The following CLSTN2 variants were observed in gnomAD, a reference collection of about 807,000 sequenced individuals.
The protein encoded by CLSTN2 is calsyntenin-2.
In CLSTN2, 48 loss-of-function variants were observed where a neutral mutation model predicts 101.2. That is an observed-to-expected ratio of 0.47 (90% CI 0.38 to 0.60). The LOEUF (loss-of-function observed/expected upper bound fraction) is 0.60, where lower values mean the gene tolerates loss of function less well. CLSTN2 is among the 20% of genes least tolerant of loss of function. The pLI is 0.00. For missense variants in CLSTN2, 1,160 were observed against 1,238.2 expected (o/e 0.94, Z 0.95); for synonymous variants, 481 against 463.6 (o/e 1.04, Z -0.48).
At chr3:140,555,678 G>A (rs961507264) in intron 10 of CLSTN2, among the ~76,000 whole-genome samples, 4 of 152,166 alleles carry the variant, frequency 2.6e-5, no homozygotes, top group Non-Finnish European at 5.9e-5. Context: ...TTTATTGATA[G>A]CATTTCCTAA....
intron 1 of CLSTN2, among the ~76,000 whole-genome samples, chr3:140,155,170 G>A (rs1413163445): frequency 6.6e-6 from 1 of 152,204 alleles, no homozygotes; most frequent in Non-Finnish European, 1.5e-5. Flanking sequence ...GATTGCCGAT[G>A]ATTAGAGTGA....
At chr3:140,180,406 A>G (rs141431631) in intron 2 of CLSTN2, among the ~76,000 whole-genome samples, 2 of 152,354 alleles carry the variant, frequency 1.3e-5, no homozygotes, top group African/African-American at 4.8e-5. Context: ...AGTCAAGTCC[A>G]CTAGACTTGT....
At chr3:140,436,287 C>T (rs1461883811) in intron 5 of CLSTN2, among the ~76,000 whole-genome samples, 1 of 152,182 alleles carries the variant, frequency 6.6e-6, no homozygotes, top group Non-Finnish European at 1.5e-5. Context: ...GGTCTAGTTT[C>T]ATTCTTCTGC....
At chr3:140,432,327 C>T (rs2088640689) in intron 5 of CLSTN2, among the ~76,000 whole-genome samples, 2 of 152,300 alleles carry the variant, frequency 1.3e-5, no homozygotes, top group African/African-American at 2.4e-5. Flanking sequence ...GAACCACACA[C>T]GATGGGGCTC....
chr3:140,380,262 A>T (rs911554102), intron 2 of CLSTN2, among the ~76,000 whole-genome samples: 2 of 152,156 alleles, frequency 1.3e-5, no homozygotes, highest in Non-Finnish European at 2.9e-5. Context: ...CCCCATCATA[A>T]TCAACCCATT....
At chr3:140,483,248 C>T (rs573265972) in intron 8 of CLSTN2, among the ~76,000 whole-genome samples, 59 of 152,162 alleles carry the variant, frequency 3.9e-4, no homozygotes, top group Non-Finnish European at 5.6e-4. Flanking sequence ...TGTAGTTGAG[C>T]GGTTTTGAGT....
intron 9 of CLSTN2, among the ~76,000 whole-genome samples, chr3:140,545,883 G>C (rs957486447): frequency 6.6e-6 from 1 of 152,214 alleles, no homozygotes; most frequent in Non-Finnish European, 1.5e-5. Flanking sequence ...TATGTAAAAG[G>C]CCTTGAATTT....
chr3:140,549,908 T>C (rs1935673111), intron 10 of CLSTN2, among the ~76,000 whole-genome samples: 1 of 150,852 alleles, frequency 6.6e-6, no homozygotes, highest in Non-Finnish European at 1.5e-5. Flanking sequence ...TGCATATTTA[T>C]GAATATTTCT....
chr3:140,115,117 T>G (rs1025608264), intron 1 of CLSTN2, among the ~76,000 whole-genome samples: 1 of 152,226 alleles, frequency 6.6e-6, no homozygotes, highest in Non-Finnish European at 1.5e-5. Context: ...AGTTTATAGT[T>G]GAGGAAACTG....
intron 1 of CLSTN2, among the ~76,000 whole-genome samples, chr3:140,052,017 G>C (rs1294123306): frequency 3.9e-5 from 6 of 152,356 alleles, no homozygotes; most frequent in Admixed American, 2.6e-4. Context: ...TGAAAGCGAA[G>C]ACTCAGATAG....
chr3:140,077,197 G>A (rs1298839553), intron 1 of CLSTN2, among the ~76,000 whole-genome samples: 1 of 152,212 alleles, frequency 6.6e-6, no homozygotes, highest in African/African-American at 2.4e-5. Flanking sequence ...TGAACCTGAA[G>A]TTTTCTTAGA....
At chr3:140,049,926 G>C (rs151275020) in intron 1 of CLSTN2, among the ~76,000 whole-genome samples, 190 of 152,278 alleles carry the variant, frequency 1.2e-3, no homozygotes, top group African/African-American at 3.6e-3. Context: ...CCAGGATCCT[G>C]ACCTCTACCG....
chr3:140,384,957 A>G (rs1333784101), intron 2 of CLSTN2, among the ~76,000 whole-genome samples: 1 of 152,198 alleles, frequency 6.6e-6, no homozygotes, highest in African/African-American at 2.4e-5. Flanking sequence ...TTGTTCATCA[A>G]TTTCACGGGC....
intron 4 of CLSTN2, among the ~76,000 whole-genome samples, chr3:140,413,405 G>T (rs868080067): frequency 6.6e-6 from 1 of 152,188 alleles, no homozygotes. Flanking sequence ...CATAATAATA[G>T]TTTTTTTAAA....
chr3:140,009,280 A>C (rs1576395478), intron 1 of CLSTN2, among the ~76,000 whole-genome samples: 1 of 152,150 alleles, frequency 6.6e-6, no homozygotes, highest in Non-Finnish European at 1.5e-5. Flanking sequence ...GACCTTGGTA[A>C]GTCATTGCCT....
At chr3:140,155,322 A>G (rs2009937540) in intron 1 of CLSTN2, among the ~76,000 whole-genome samples, 2 of 152,144 alleles carry the variant, frequency 1.3e-5, no homozygotes, top group African/African-American at 2.4e-5. Context: ...TAAATTATGT[A>G]TGGTGATGTA....
At chr3:140,103,267 C>T (rs1351237297) in intron 1 of CLSTN2, among the ~76,000 whole-genome samples, 1 of 152,198 alleles carries the variant, frequency 6.6e-6, no homozygotes, top group Non-Finnish European at 1.5e-5. Context: ...GCCAGGATTG[C>T]TAACTTCCAC....
At chr3:140,309,107 A>T (rs1004381543) in intron 2 of CLSTN2, among the ~76,000 whole-genome samples, 33 of 152,208 alleles carry the variant, frequency 2.2e-4, no homozygotes, top group Admixed American at 2.2e-3. Flanking sequence ...AGAACTTACA[A>T]TCAGGTAGGA....
chr3:140,034,405 C>A (rs1204117470), intron 1 of CLSTN2, among the ~76,000 whole-genome samples: 1 of 152,176 alleles, frequency 6.6e-6, no homozygotes, highest in Non-Finnish European at 1.5e-5. Flanking sequence ...GAATAAAAAT[C>A]CCAGAGGCCA....
Sources: gnomAD v4.1 joint callset for allele counts (sites outside exome capture counted in the v4.1 genomes callset) on GRCh38, gnomAD v4.1.1 for gene constraint, MANE v1.5 for transcripts, NCBI Gene and HGNC (gene_info 2026-07-23, HGNC 2026-07-21) for gene names.